The following CCDC169 variants were observed in gnomAD, a reference collection of about 807,000 sequenced individuals.
CCDC169 encodes the protein coiled-coil domain containing 169, also known as coiled-coil domain-containing protein 169.
CCDC169 carries 30 observed loss-of-function variants against 36.0 expected under a neutral mutation model. That is an observed-to-expected ratio of 0.83 (90% CI 0.62 to 1.13). The LOEUF is 1.13. Among genes scored for constraint, CCDC169 ranks in the 50% most tolerant of loss-of-function variants. CCDC169 has a pLI of 0.00. For synonymous variants in CCDC169, 85 were observed against 81.5 expected (o/e 1.04, Z -0.23); for missense variants, 245 against 245.9 (o/e 1.00, Z 0.03).
chr13:36,286,662 C>G (rs1878294209), intron 2 of CCDC169, among the ~76,000 whole-genome samples: 1 of 152,118 alleles, frequency 6.6e-6, no homozygotes, highest in South Asian at 2.1e-4. Flanking sequence ...TCCTGATTAT[C>G]TCAGAAGCCA....
Position 36,283,665 on chromosome 13 carries a change from T to C in CCDC169, c.201A>G (p.Glu67=), listed in dbSNP as rs770333814. The C allele has an allele frequency of 2.6e-6, 4 of 1,551,254 alleles. No homozygotes were observed. The highest frequency in any genetic ancestry group is 2.6e-6 in the Non-Finnish European group (3 of 1,146,834). The change falls in exon 3 of 8, where the codon GAA becomes GAG. Residue 67 remains glutamate, a synonymous_variant. Coordinates refer to ENST00000239859, the MANE Select transcript of CCDC169 (RefSeq NM_001144981.3). ...TTTGCTTTTCTAGTTCATCATTTAATTCAAGTTGTGTCTCATAACGGGTTT... is the reference window on the plus strand; with the variant it reads ...TTTGCTTTTCTAGTTCATCATTTAACTCAAGTTGTGTCTCATAACGGGTTT... ...EWKTRYETQL[E]LNDELEKQIV...
chr13:36,246,227 T>C (rs1181555986), intron 7 of CCDC169, among the ~76,000 whole-genome samples: 1 of 152,242 alleles, frequency 6.6e-6, no homozygotes, highest in Non-Finnish European at 1.5e-5. Flanking sequence ...CTTAGTCATT[T>C]AGTGAGGAAG....
chr13:36,289,193 A>T (rs541608614), intron 2 of CCDC169, among the ~76,000 whole-genome samples: 1 of 152,310 alleles, frequency 6.6e-6, no homozygotes, highest in African/African-American at 2.4e-5. Context: ...GCTTCTCAGA[A>T]TCATATCTCA....
chr13:36,233,224 G>A (rs1292721403), intron 7 of CCDC169, among the ~76,000 whole-genome samples: 1 of 120,242 alleles, frequency 8.3e-6, no homozygotes, highest in Non-Finnish European at 2.0e-5. Context: ...TAACTCAGCA[G>A]AGACTTCAGT....
At chr13:36,267,069 C>T (rs537013835) in intron 4 of CCDC169, 1 of 152,318 alleles carries the variant, frequency 6.6e-6, no homozygotes, top group East Asian at 1.9e-4. Context: ...TAATGCAAGT[C>T]TTAGCCCTAG....
At chr13:36,270,629 C>A (rs954403590) in intron 4 of CCDC169, among the ~76,000 whole-genome samples, 15 of 152,162 alleles carry the variant, frequency 9.9e-5, no homozygotes, top group Admixed American at 7.2e-4. Context: ...ATACTTACAG[C>A]CAGCTGATCT....
At chr13:36,270,996 C>T (rs376283513) in intron 4 of CCDC169, among the ~76,000 whole-genome samples, 24 of 152,050 alleles carry the variant, frequency 1.6e-4, no homozygotes, top group African/African-American at 4.6e-4. Context: ...ACCCACAGAA[C>T]GGGAGGAATT....
chr13:36,281,268 A>G (rs1925845), intron 4 of CCDC169: 111,399 of 440,014 alleles, frequency 0.25, 15,568 homozygotes, highest in East Asian at 0.47. Context: ...TTTCTGTCAC[A>G]TGAGGAAAAA....
intron 7 of CCDC169, among the ~76,000 whole-genome samples, chr13:36,243,337 T>C (rs897763052): frequency 6.6e-6 from 1 of 151,842 alleles, no homozygotes; most frequent in African/African-American, 2.4e-5. Context: ...CTGTCTCTAC[T>C]AAAAGTACAA....
At chr13:36,281,908 T>G (rs1468184812) in intron 4 of CCDC169, among the ~76,000 whole-genome samples, 1 of 152,130 alleles carries the variant, frequency 6.6e-6, no homozygotes. Flanking sequence ...TATGTATATT[T>G]ACCACAATAA....
downstream of CCDC169, chr13:36,227,475 T>TACACAC (rs138475016): frequency 0.38 from 425,642 of 1,134,148 alleles, 73,526 homozygotes; most frequent in Non-Finnish European, 0.39. Flanking sequence ...ATTGTATTTT[T>TACACAC]ACACACACAC....
chr13:36,244,631 TAGAGAAAGAAAGAAAA>T (rs1252019568), intron 7 of CCDC169: 2 of 150,850 alleles, frequency 1.3e-5, no homozygotes, highest in Admixed American at 1.3e-4. Context: ...GTACATGGAT[TAGAGAAAGAAAGAAAA>T]AAAGAAAGAA....
chr13:36,227,499 AAAAT>A (rs71084414), downstream of CCDC169: 916 of 1,095,706 alleles, frequency 8.4e-4, 14 homozygotes, highest in Middle Eastern at 6.6e-3. Context: ...CATATACACA[AAAAT>A]AAATAAATAA....
At chr13:36,244,868 G>A (rs1031733418) in intron 7 of CCDC169, among the ~76,000 whole-genome samples, 3 of 126,636 alleles carry the variant, frequency 2.4e-5, no homozygotes, top group South Asian at 2.6e-4. Flanking sequence ...ACACAGTGGC[G>A]TAATAGTTTT....
intron 4 of CCDC169, among the ~76,000 whole-genome samples, chr13:36,275,577 T>A (rs1030211592): frequency 6.6e-6 from 1 of 152,166 alleles, no homozygotes; most frequent in East Asian, 1.9e-4. Flanking sequence ...TAAAAATATA[T>A]ACTTACACGT....
chr13:36,223,265 C>A (rs868586394), downstream of CCDC169: 1 of 152,142 alleles, frequency 6.6e-6, no homozygotes, highest in South Asian at 2.1e-4. Context: ...TCAGAAGGCA[C>A]ACTGACAGCA....
intron 4 of CCDC169, among the ~76,000 whole-genome samples, chr13:36,258,452 TG>T (rs1874197416): frequency 6.6e-6 from 1 of 152,124 alleles, no homozygotes; most frequent in Non-Finnish European, 1.5e-5. Context: ...AATAAAAGGA[TG>T]CAGTAAAGAA....
At chr13:36,254,274 A>AATTT (rs745490666) in intron 4 of CCDC169, 131 bp from the exon 5 acceptor site, 58,533 of 407,844 alleles carry the variant, frequency 0.14, 4,964 homozygotes, top group Admixed American at 0.19. Flanking sequence ...TATGATATGT[A>AATTT]CTTTTTTTTT....
intron 4 of CCDC169, among the ~76,000 whole-genome samples, chr13:36,268,332 T>C (rs1401497836): frequency 2.6e-5 from 4 of 152,158 alleles, no homozygotes; most frequent in African/African-American, 7.2e-5. Flanking sequence ...CTCAGAACTA[T>C]ACAAATACAT....
Sources: allele counts gnomAD v4.1 joint callset (sites outside exome capture counted in the v4.1 genomes callset), GRCh38; gene constraint gnomAD v4.1.1; transcripts MANE v1.5; gene names NCBI Gene and HGNC (gene_info 2026-07-23, HGNC 2026-07-21).